Variants in EHMT1 observed in about 807,000 individuals in gnomAD.
EHMT1 encodes euchromatic histone lysine methyltransferase 1, also known as histone-lysine N-methyltransferase EHMT1.
In EHMT1, 15 loss-of-function variants were observed where a neutral mutation model predicts 147.2. The ratio of observed to expected loss-of-function variants is 0.10; its 90% CI spans 0.07 to 0.16. The LOEUF (loss-of-function observed/expected upper bound fraction) is 0.16, where lower values mean the gene tolerates loss of function less well. Among genes scored for constraint, EHMT1 ranks in the 10% least tolerant of loss-of-function variants. The probability of loss-of-function intolerance (pLI) is 1.00; values close to 1 mark genes in which losing one functional copy is unlikely to be tolerated. For synonymous variants in EHMT1, 795 were observed against 709.6 expected (o/e 1.12, Z -1.91); for missense variants, 1,587 against 1,772.4 (o/e 0.90, Z 1.88).
intron 10 of EHMT1, among the ~76,000 whole-genome samples, chr9:137,770,180 A>G (rs533788341): frequency 1.4e-4 from 21 of 151,964 alleles, no homozygotes; most frequent in Admixed American, 6.6e-5. Flanking sequence ...TCTTTCTGGG[A>G]TTCCTTGTAC....
At chr9:137,715,315 T>C (rs1163249770) in intron 2 of EHMT1, among the ~76,000 whole-genome samples, 5 of 152,262 alleles carry the variant, frequency 3.3e-5, no homozygotes, top group East Asian at 1.9e-4. Context: ...AAGTTTCCAC[T>C]TACTCTGTTT....
At position 137,817,893 on chromosome 9, in the gene EHMT1, C is replaced by T. The variant is rs956251368; in HGVS notation, c.3462-167C>T. 8.5e-6 allele frequency: 6 copies of T among 709,382 alleles called. No individual in the cohort carries two copies. The African/African-American group carries it at 1.1e-4, about 12-fold the overall frequency. The allele number at this position is 709,382 out of a possible 1,614,324, so 43.9% of individuals were successfully genotyped here. A position where few individuals can be genotyped will look rare whatever the true frequency, so the allele number is the denominator to read the frequency against. ...TCGTTATCATCATCCTCCGGACCCT[C>T]AGCTGAAACCCCAGTTCAACCCTGG... is the stretch of plus-strand genomic sequence containing the variant. On this transcript the variant is annotated intron_variant, in intron 24 of 26. Transcript: ENST00000460843.
At position 137,728,498 on chromosome 9, in the gene EHMT1, G is replaced by C; in HGVS notation, c.792G>C (p.Gln264His). 6.2e-7 allele frequency: 1 copy of C among 1,614,112 alleles called. No homozygotes were observed. The highest frequency in any genetic ancestry group is 1.1e-5 in the South Asian group (1 of 91,076). Residue 264 changes from glutamine to histidine, a missense_variant, in exon 4 of 27, where the codon CAG becomes CAC. Physicochemically the swap from Gln to His is conservative, Grantham distance 24 (BLOSUM62 0). This residue lies in a region of EHMT1 where 810 missense variants were observed against 673.0 expected (regional missense o/e 1.20). Coordinates refer to ENST00000460843, the MANE Select transcript of EHMT1 (RefSeq NM_024757.5). The part of the protein sequence containing the change: ...PSLHQSLPQN[Q>H]CYMATTKSQT... Reference sequence around the variant, plus strand: ...TTCATCAGTCGCTACCTCAGAACCAGTGCTACATGGCCACCACAAAATCAC... The same window carrying C: ...TTCATCAGTCGCTACCTCAGAACCACTGCTACATGGCCACCACAAAATCAC...
intron 10 of EHMT1, chr9:137,764,511 T>C (rs894757620): frequency 5.9e-5 from 9 of 152,242 alleles, no homozygotes; most frequent in Non-Finnish European, 1.2e-4. Context: ...CACCCTTCTT[T>C]CTTGGTTTTG....
At chr9:137,729,370 C>T (rs945813771) in intron 4 of EHMT1, among the ~76,000 whole-genome samples, 1 of 152,136 alleles carries the variant, frequency 6.6e-6, no homozygotes, top group Non-Finnish European at 1.5e-5. Flanking sequence ...GGGTGGATCA[C>T]GAGATCAGGA....
At chr9:137,639,905 C>A (rs1844359048) in intron 1 of EHMT1, among the ~76,000 whole-genome samples, 1 of 152,198 alleles carries the variant, frequency 6.6e-6, no homozygotes, top group Admixed American at 6.5e-5. Flanking sequence ...ACCCACCAGA[C>A]ATTTGAGACC....
intron 3 of EHMT1, among the ~76,000 whole-genome samples, chr9:137,718,007 G>A (rs934837692): frequency 2.6e-5 from 4 of 152,004 alleles, no homozygotes; most frequent in Non-Finnish European, 4.4e-5. Flanking sequence ...CACACAGGGC[G>A]CGCCCACCCC....
rs1947227230 is a variant in EHMT1, at chr9:137,732,791, A to C, written c.823+4262A>C. ...TATCACTTTTATTTCTTCAACTGTC[A>C]CTCCATTGCCTGCCATTCATTGTTG... On this transcript the variant is annotated intron_variant, in intron 4 of 26. Transcript: ENST00000460843. The surrounding 1 kb of genome is among the most constrained non-coding windows in gnomAD (Gnocchi z 4.6). 6.6e-6 allele frequency among the ~76,000 whole-genome samples: 1 copy of C among 150,968 alleles called. No individual in the cohort carries two copies. Among genetic ancestry groups the C allele is most frequent in the South Asian group, 2.1e-4 (1 of 4,766 alleles).
intron 17 of EHMT1, chr9:137,800,669 G>T (rs1418164272): frequency 2.7e-5 from 16 of 595,762 alleles, no homozygotes; most frequent in Non-Finnish European, 4.8e-5. Context: ...GCCAGTCCTG[G>T]TTCTGCCTTC....
At chr9:137,733,783 G>C (rs904651088) in intron 4 of EHMT1, among the ~76,000 whole-genome samples, 5 of 152,070 alleles carry the variant, frequency 3.3e-5, no homozygotes, top group Middle Eastern at 3.2e-3. Flanking sequence ...CTCCTTTTGG[G>C]AGCCAGACAT....
intron 15 of EHMT1, chr9:137,785,424 CTGAGGGTGGGGTGTGCTGAGCCCG>C: frequency 6.7e-6 from 1 of 149,410 alleles, no homozygotes; most frequent in East Asian, 2.0e-4. Context: ...TGCTGAGCCC[CTGAGGGTGGGGTGTGCTGAGCCCG>C]TGAGGGTGGG....
chr9:137,622,998 C>T (rs1268432867), intron 1 of EHMT1, among the ~76,000 whole-genome samples: 1 of 151,314 alleles, frequency 6.6e-6, no homozygotes, highest in African/African-American at 2.4e-5. Context: ...ATCACGAGGT[C>T]AGGAGATCGA....
In EHMT1 at chr9:137,716,520, G is replaced by A. The variant is rs771844621; in HGVS notation, c.86-106G>A. On this transcript the variant is annotated intron_variant, in intron 2 of 26. Coordinates refer to ENST00000460843, the MANE Select transcript of EHMT1 (RefSeq NM_024757.5). ...AGGAAGTTGTGGTGGTGTCATGGTG[G>A]GGGAGGAAGTTGTGGTGGTGTCATG... 5.4e-3 allele frequency: 4,646 copies of A among 865,702 alleles called. 130 individuals are homozygous for A. The African/African-American group carries it at 0.08, about 15-fold the overall frequency. 53.6% of individuals were successfully genotyped at this position (865,702 alleles called of 1,614,324 possible). A position where few individuals can be genotyped will look rare whatever the true frequency, so the allele number is the denominator to read the frequency against.
At chr9:137,697,523 C>G (rs1943489989) in intron 1 of EHMT1, among the ~76,000 whole-genome samples, 1 of 152,154 alleles carries the variant, frequency 6.6e-6, no homozygotes, top group Admixed American at 6.5e-5. Flanking sequence ...TTTTAAATTT[C>G]TGGTAACTTT....
chr9:137,775,105 G>A lies in EHMT1; in HGVS notation c.1648-4G>A, dbSNP rs1187693748. 3.1e-6 allele frequency: 5 copies of A among 1,614,066 alleles called. No individual in the cohort carries two copies. The highest frequency in any genetic ancestry group is 1.3e-5 in the African/African-American group (1 of 75,032). ...CATTGACCACCAGTCTTGTCTGATT[G>A]CAGTTGGGCCGGTGCACAAACAGCG... On this transcript the variant is annotated splice_region_variant and splice_polypyrimidine_tract_variant and intron_variant, in intron 10 of 26. Coordinates refer to ENST00000460843, the MANE Select transcript of EHMT1 (RefSeq NM_024757.5). The surrounding 1 kb of genome is among the most constrained non-coding windows in gnomAD (Gnocchi z 6.1).
At chr9:137,726,107 T>C (rs79258791) in intron 3 of EHMT1, among the ~76,000 whole-genome samples, 4,870 of 150,518 alleles carry the variant, frequency 0.032, 123 homozygotes, top group South Asian at 0.13. Flanking sequence ...TGTGTGTGTG[T>C]GCGTATGTGC....
chr9:137,670,399 G>A (rs945227404), intron 1 of EHMT1, among the ~76,000 whole-genome samples: 1 of 152,008 alleles, frequency 6.6e-6, no homozygotes, highest in Non-Finnish European at 1.5e-5. Context: ...GCCCTGACCC[G>A]GTAGTGTCCT....
At chr9:137,692,923 A>G (rs1317960473) in intron 1 of EHMT1, among the ~76,000 whole-genome samples, 5 of 152,094 alleles carry the variant, frequency 3.3e-5, no homozygotes, top group Non-Finnish European at 2.9e-5. Flanking sequence ...AAAAAGGGAC[A>G]ATCAGAAGCC....
At chr9:137,721,153 C>T (rs371718625) in intron 3 of EHMT1, among the ~76,000 whole-genome samples, 5 of 132,780 alleles carry the variant, frequency 3.8e-5, no homozygotes, top group East Asian at 2.4e-4. Flanking sequence ...TCACACTCAC[C>T]CCTCCCAGAC....
Sources: gnomAD v4.1 joint callset for allele counts (sites outside exome capture counted in the v4.1 genomes callset) on GRCh38, gnomAD v4.1.1 for gene constraint, gnomAD v4.1.1 regional missense constraint, Gnocchi (gnomAD v3.1) non-coding constraint, MANE v1.5 for transcripts, NCBI Gene and HGNC (gene_info 2026-07-23, HGNC 2026-07-21) for gene names.